The following ANKRD1 variants were observed in gnomAD, a reference collection of about 807,000 sequenced individuals.
ANKRD1 encodes the protein ankyrin repeat domain 1, also known as ankyrin repeat domain-containing protein 1.
ANKRD1 carries 32 observed loss-of-function variants against 40.1 expected under a neutral mutation model. The ratio of observed to expected loss-of-function variants is 0.80; its 90% CI spans 0.60 to 1.07. The LOEUF is 1.07. ANKRD1 is among the 50% of genes least tolerant of loss of function. The pLI is 0.00. For synonymous variants in ANKRD1, 149 were observed against 141.2 expected (o/e 1.06, Z -0.39); for missense variants, 359 against 386.0 (o/e 0.93, Z 0.59).
chr10:90,914,720 T>TCCCCCC (rs55919759), intron 8 of ANKRD1, among the ~76,000 whole-genome samples: 2 of 79,698 alleles, frequency 2.5e-5, no homozygotes, highest in African/African-American at 5.6e-5. Flanking sequence ...TGAGTTTCCC[T>TCCCCCC]CCCCCCCCCC....
At chr10:90,915,417 G>GC (rs1847357754) in intron 8 of ANKRD1, 126 bp downstream of exon 8, 12 of 817,980 alleles carry the variant, frequency 1.5e-5, no homozygotes, top group Non-Finnish European at 2.4e-5. Flanking sequence ...GGGGAAATGG[G>GC]CAGGGGCATT....
At chr10:90,917,922 AC>A (rs1363495994) in intron 4 of ANKRD1, 92 bp from the exon 5 acceptor site, 1 of 1,025,128 alleles carries the variant, frequency 9.8e-7, no homozygotes, top group Non-Finnish European at 1.5e-6. Flanking sequence ...GATTCTGATG[AC>A]CTAACTGATA....
chr10:90,920,428 T>C, intron 1 of ANKRD1, 80 bp from the exon 2 acceptor site: 1 of 1,531,802 alleles, frequency 6.5e-7, no homozygotes, highest in Non-Finnish European at 9.0e-7. Context: ...CGCAGGAGGC[T>C]CTTGGTCCTT....
Position 90,918,871 on chromosome 10 carries a change from A to G in ANKRD1, c.447T>C (p.Cys149=). ...TGCTTTGCATGAGTCTTACCTCATC[A>G]CAAACATCTGGATTGTTCTTGTCTG... is the stretch of plus-strand genomic sequence containing the variant. ...FLSDKNNPDV[C]DEYKRTALHR... The change falls in exon 4 of 9, where the codon TGT becomes TGC. Residue 149 remains cysteine (C), a synonymous_variant. Transcript: ENST00000371697. 6.2e-7 allele frequency: 1 copy of G among 1,609,960 alleles called. No homozygotes were observed. The highest frequency in any genetic ancestry group is 8.5e-7 in the Non-Finnish European group (1 of 1,177,802).
chr10:90,918,519 C>T (rs935027247), intron 4 of ANKRD1, among the ~76,000 whole-genome samples: 10 of 151,622 alleles, frequency 6.6e-5, no homozygotes, highest in African/African-American at 1.9e-4. Flanking sequence ...CTAGTGTTGA[C>T]GTGCTTGGTT....
Position 90,912,739 on chromosome 10 carries a change from T to G in ANKRD1, c.*127A>C. ...CTATAACCCTGTGCTTTCTCAAAACTTCATTAGGTACATCTTCACAACACG... is the reference window on the plus strand; with the variant it reads ...CTATAACCCTGTGCTTTCTCAAAACGTCATTAGGTACATCTTCACAACACG... On this transcript the variant is annotated 3_prime_UTR_variant, in exon 9 of 9. Transcript: ENST00000371697. 1 of 921,564 alleles carries G rather than the reference T, an allele frequency of 1.1e-6. No homozygotes were observed. The highest frequency in any genetic ancestry group is 1.8e-6 in the Non-Finnish European group (1 of 557,318). The allele number at this position is 921,564 out of a possible 1,614,324, so 57.1% of individuals were successfully genotyped here.
At position 90,917,792 on chromosome 10, in the gene ANKRD1, T is replaced by C; in HGVS notation, c.492A>G (p.Gly164=). The change falls in exon 5 of 9, where the codon GGA becomes GGG. Residue 164 remains glycine, a synonymous_variant. Transcript: ENST00000371697. ...RTALHRACLE[G]HLAIVEKLME... ...TTAACTTCTCCACAATTGCCAAATG[T>C]CCTTCCAAGCATGCTCTATGAAGAG... 6.2e-7 allele frequency: 1 copy of C among 1,614,084 alleles called. No homozygotes were observed. The highest frequency in any genetic ancestry group is 8.5e-7 in the Non-Finnish European group (1 of 1,179,962).
rs374486076 is a variant in ANKRD1 at position 90,915,571 on chromosome 10, T to C, written c.821A>G (p.Tyr274Cys). The change falls in exon 8 of 9, where the codon TAT becomes TGT. Residue 274 changes from tyrosine to cysteine, a missense_variant. By Grantham distance (194) the Tyr-to-Cys change is radical. Coordinates refer to ENST00000371697, the MANE Select transcript of ANKRD1 (RefSeq NM_014391.3). ...RYKMIRLLIM[Y>C]GADLNIKNCA... The stretch of plus-strand genomic sequence containing the variant: ...GTTCTTGATGTTGAGATCCGCGCCA[T>C]ACATAATCAGGAGTCGGATCATCTT... 2.6e-5 allele frequency: 42 copies of C among 1,613,748 alleles called. No homozygotes were observed. The highest frequency in any genetic ancestry group is 4.0e-5 in the African/African-American group (3 of 74,906).
At chr10:90,917,183 C>T (rs946633838) in intron 5 of ANKRD1, among the ~76,000 whole-genome samples, 2 of 152,130 alleles carry the variant, frequency 1.3e-5, no homozygotes, top group African/African-American at 4.8e-5. Flanking sequence ...AGAATTTTCC[C>T]AGCTCAATCT....
Position 90,920,205 on chromosome 10 carries a change from C to T in ANKRD1, c.171G>A (p.Glu57=). 1 of 1,614,050 alleles carries T rather than the reference C, an allele frequency of 6.2e-7. No individual in the cohort carries two copies. Among genetic ancestry groups the T allele is most frequent in the Non-Finnish European group, 8.5e-7 (1 of 1,180,002 alleles). ...GTTGTTTCTCGCTTTTCCACTGTTG[C>T]TCCCCCAGGGTCACAGGGTGGGCTA... ...TLLAHPVTLG[E]QQWKSEKQRE... The change falls in exon 2 of 9, where the codon GAG becomes GAA. Residue 57 remains glutamate (E), a synonymous_variant. Transcript: ENST00000371697.
intron 7 of ANKRD1, 31 bp from the exon 8 acceptor site, chr10:90,915,672 G>A (rs890208924): frequency 1.2e-6 from 2 of 1,609,978 alleles, no homozygotes; most frequent in Admixed American, 3.3e-5. Context: ...GGTTCAAGGT[G>A]GGTCTGAGGC....
intron 8 of ANKRD1, among the ~76,000 whole-genome samples, chr10:90,914,114 C>G: frequency 6.6e-6 from 1 of 152,112 alleles, no homozygotes; most frequent in East Asian, 1.9e-4. Context: ...TAGGAACAAT[C>G]ATCAGTAGAC....
At position 90,915,569 on chromosome 10, in the gene ANKRD1, C is replaced by T; in HGVS notation, c.823G>A (p.Gly275Ser). ...CAGTTCTTGATGTTGAGATCCGCGC[C>T]ATACATAATCAGGAGTCGGATCATC... is the stretch of plus-strand genomic sequence containing the variant. ...YKMIRLLIMY[G>S]ADLNIKNCAG... Residue 275 changes from glycine (G) to serine (S), a missense_variant, in exon 8 of 9, where the codon GGC becomes AGC. By Grantham distance (56) the Gly-to-Ser change is moderately conservative (BLOSUM62 0). Transcript: ENST00000371697. The T allele has an allele frequency of 6.2e-7, 1 of 1,614,028 alleles. No individual in the cohort carries two copies. Among genetic ancestry groups the T allele is most frequent in the Non-Finnish European group, 8.5e-7 (1 of 1,179,984 alleles).
At position 90,915,826 on chromosome 10, in the gene ANKRD1, C is replaced by T. The variant is rs372059040; in HGVS notation, c.706G>A (p.Glu236Lys). 14 of 1,613,610 alleles carry T rather than the reference C, an allele frequency of 8.7e-6. No homozygotes were observed. The African/African-American group carries it at 1.9e-4, about 22-fold the overall frequency. ...TCTGCCTCACAGGCGATAAGATGCTCCGCGCACTCATAGTGGCCAGTCCTC... is the reference window on the plus strand; with the variant it reads ...TCTGCCTCACAGGCGATAAGATGCTTCGCGCACTCATAGTGGCCAGTCCTC... ...AVRTGHYECA[E>K]HLIACEADLN... Residue 236 changes from glutamate to lysine, a missense_variant, in exon 7 of 9, where the codon GAG (glutamate) becomes AAG (lysine). Glu to Lys is a moderately conservative substitution (Grantham distance 56, BLOSUM62 1). Transcript: ENST00000371697.
chr10:90,918,061 G>T (rs1040639152), intron 4 of ANKRD1, among the ~76,000 whole-genome samples: 21 of 152,204 alleles, frequency 1.4e-4, no homozygotes. Flanking sequence ...AAAGGCCTAC[G>T]TTGAGGAGTG....
chr10:90,915,347 A>G (rs1465013891), intron 8 of ANKRD1, among the ~76,000 whole-genome samples, 196 bp downstream of exon 8: 3 of 152,174 alleles, frequency 2.0e-5, no homozygotes. Flanking sequence ...AGCAGTATCT[A>G]TGACTTCCCT....
At position 90,915,908 on chromosome 10, in the gene ANKRD1, C is replaced by G. The variant is rs368784025; in HGVS notation, c.652-28G>C. The G allele has an allele frequency of 1.6e-4, 251 of 1,606,204 alleles. 1 individual carries two copies. The Admixed American group carries it at 3.9e-3, about 25-fold the overall frequency. ...GGAAAATTGGAAAACGCTGCTGATT[C>G]GCTAGGAATGAGGACAGAGGCTGTC... On this transcript the variant is annotated intron_variant, in intron 6 of 8. Coordinates refer to ENST00000371697, the MANE Select transcript of ANKRD1 (RefSeq NM_014391.3).
chr10:90,916,070 G>T, intron 6 of ANKRD1, 101 bp downstream of exon 6: 1 of 435,058 alleles, frequency 2.3e-6, no homozygotes. Context: ...GCGGGTGGGG[G>T]AGAAGGAGGA....
Position 90,918,940 on chromosome 10 carries a change from C to G in ANKRD1, c.378G>C (p.Lys126Asn). ...TEPVDVPTFL[K>N]AALENKLPVV... ...CTGGCAGTTTATTCTCCAGAGCAGC[C>G]TTCAGAAACGTAGGCACATCCACAG... Residue 126 changes from lysine to asparagine, a missense_variant, in exon 4 of 9, where the codon AAG becomes AAC. Lys to Asn is a moderately conservative substitution (Grantham distance 94, BLOSUM62 0). Coordinates refer to ENST00000371697, the MANE Select transcript of ANKRD1 (RefSeq NM_014391.3). The G allele has an allele frequency of 6.2e-7, 1 of 1,608,946 alleles. No homozygotes were observed. Among genetic ancestry groups the G allele is most frequent in the Non-Finnish European group, 8.5e-7 (1 of 1,179,072 alleles).
Sources: allele counts gnomAD v4.1 joint callset (sites outside exome capture counted in the v4.1 genomes callset), GRCh38; gene constraint gnomAD v4.1.1; transcripts MANE v1.5; gene names NCBI Gene and HGNC (gene_info 2026-07-23, HGNC 2026-07-21).